SORCS1: variants seen among roughly 807,000 people sequenced by gnomAD.
SORCS1 encodes the protein VPS10 domain-containing receptor SorCS1.
Under a neutral mutation model 146.1 loss-of-function variants are expected in SORCS1, and 60 were observed. That is an observed-to-expected ratio of 0.41 (90% CI 0.33 to 0.51). The LOEUF (loss-of-function observed/expected upper bound fraction) is 0.51. SORCS1 is among the 20% of genes least tolerant of loss of function. The pLI is 0.21. For synonymous variants in SORCS1, 637 were observed against 584.0 expected, an observed-to-expected ratio of 1.09 and a Z score of -1.31; for missense variants, 1,352 against 1,487.6, an observed-to-expected ratio of 0.91 and a Z score of 1.50.
intron 3 of SORCS1, among the ~76,000 whole-genome samples, chr10:106,793,355 C>T (rs1946406472): frequency 6.6e-6 from 1 of 152,050 alleles, no homozygotes; most frequent in South Asian, 2.1e-4. Context: ...ATGGCAAGTT[C>T]CTCAGTTTGG....
chr10:106,865,361 C>T (rs1950190238), intron 2 of SORCS1, among the ~76,000 whole-genome samples: 1 of 152,192 alleles, frequency 6.6e-6, no homozygotes, highest in Non-Finnish European at 1.5e-5. Flanking sequence ...CCTCCAGGTA[C>T]TGGAAAACCC....
intron 1 of SORCS1, among the ~76,000 whole-genome samples, chr10:107,138,958 A>G (rs1967567636): frequency 6.6e-6 from 1 of 152,150 alleles, no homozygotes; most frequent in Admixed American, 6.5e-5. Context: ...CCTCTTCTCT[A>G]GCCACGTAAG....
chr10:106,704,834 T>C (rs1410918781), intron 8 of SORCS1, among the ~76,000 whole-genome samples: 1 of 152,200 alleles, frequency 6.6e-6, no homozygotes, highest in Non-Finnish European at 1.5e-5. Flanking sequence ...ATTCTTTTTT[T>C]AAGGTGCAAA....
At chr10:106,884,630 A>G (rs79097605) in intron 2 of SORCS1, among the ~76,000 whole-genome samples, 3 of 152,200 alleles carry the variant, frequency 2.0e-5, no homozygotes, top group African/African-American at 4.8e-5. Flanking sequence ...GTTAAAGCCC[A>G]TACCAGACAA....
chr10:106,646,456 G>T (rs1341187235), intron 18 of SORCS1, among the ~76,000 whole-genome samples: 3 of 152,000 alleles, frequency 2.0e-5, no homozygotes, highest in Non-Finnish European at 2.9e-5. Context: ...AGCACTTTGG[G>T]AGGCCAAGGT....
At chr10:106,930,396 C>G (rs1446852957) in intron 2 of SORCS1, among the ~76,000 whole-genome samples, 1 of 152,100 alleles carries the variant, frequency 6.6e-6, no homozygotes, top group Non-Finnish European at 1.5e-5. Flanking sequence ...TTAGGGTAAA[C>G]AGTCATCAGC....
intron 1 of SORCS1, among the ~76,000 whole-genome samples, chr10:107,044,398 A>G (rs11193185): frequency 6.6e-6 from 1 of 151,896 alleles, no homozygotes; most frequent in African/African-American, 2.4e-5. Flanking sequence ...AAGAAAACTC[A>G]CAAATAAATA....
chr10:106,809,931 T>C (rs1434250664), intron 3 of SORCS1, among the ~76,000 whole-genome samples: 1 of 152,136 alleles, frequency 6.6e-6, no homozygotes, highest in Non-Finnish European at 1.5e-5. Flanking sequence ...GTGAAAAATG[T>C]TTAAGTTAGC....
At chr10:106,585,223 CAA>C (rs202057062) in intron 24 of SORCS1, among the ~76,000 whole-genome samples, 1,143 of 112,160 alleles carry the variant, frequency 0.01, 15 homozygotes, top group African/African-American at 0.034. Flanking sequence ...GACTCTGTCT[CAA>C]AAAAAAAAAA....
rs1961716593 is a variant in SORCS1, at chr10:107,065,472, C to T, written c.558+98497G>A. Among the ~76,000 whole-genome samples, 418 of 59,402 alleles carry T rather than the reference C, an allele frequency of 7.0e-3. 9 individuals carry two copies. Among genetic ancestry groups the T allele is most frequent in the African/African-American group, 0.027 (391 of 14,238 alleles). The allele number at this position is 59,402 out of a possible 152,430, so 39.0% of individuals were successfully genotyped here. A position where few individuals can be genotyped will look rare whatever the true frequency, so the allele number is the denominator to read the frequency against. Reference sequence around the variant, plus strand: ...CTTTTCTCTCTTTCTCTCTCCCTCTCCTCTCCTCTCCTCTCCTCTCCTCTC... The same window carrying T: ...CTTTTCTCTCTTTCTCTCTCCCTCTTCTCTCCTCTCCTCTCCTCTCCTCTC... On this transcript the variant is annotated intron_variant, in intron 1 of 25. Coordinates refer to ENST00000263054, the MANE Select transcript of SORCS1 (RefSeq NM_052918.5).
intron 21 of SORCS1, among the ~76,000 whole-genome samples, chr10:106,614,079 C>T (rs1847191713): frequency 6.6e-6 from 1 of 152,168 alleles, no homozygotes; most frequent in African/African-American, 2.4e-5. Flanking sequence ...GTCCTTCAAA[C>T]TGGAATATAA....
intron 1 of SORCS1, among the ~76,000 whole-genome samples, chr10:107,013,252 G>T (rs1335414122): frequency 2.0e-5 from 3 of 152,118 alleles, no homozygotes; most frequent in African/African-American, 4.8e-5. Flanking sequence ...CAAGCTACTA[G>T]GAAAAGTTGG....
chr10:107,058,634 C>T (rs993952539), intron 1 of SORCS1, among the ~76,000 whole-genome samples: 2 of 152,168 alleles, frequency 1.3e-5, no homozygotes, highest in African/African-American at 2.4e-5. Context: ...AAGTTACTCA[C>T]CACTTTTATG....
intron 1 of SORCS1, among the ~76,000 whole-genome samples, chr10:107,002,780 C>G (rs574041770): frequency 1.3e-5 from 2 of 152,020 alleles, no homozygotes; most frequent in African/African-American, 4.8e-5. Context: ...ATTTTAAAAC[C>G]TAGAGGAAAT....
intron 3 of SORCS1, among the ~76,000 whole-genome samples, chr10:106,805,607 C>T (rs1371651978): frequency 2.0e-5 from 3 of 152,174 alleles, no homozygotes; most frequent in South Asian, 4.1e-4. Flanking sequence ...TGCCCAAGGC[C>T]ACCCTGCCTG....
At chr10:107,087,087 G>A (rs918533364) in intron 1 of SORCS1, among the ~76,000 whole-genome samples, 5 of 152,116 alleles carry the variant, frequency 3.3e-5, no homozygotes, top group Non-Finnish European at 7.4e-5. Flanking sequence ...ACTAGACTGA[G>A]GGTTTCAATT....
At chr10:107,040,523 A>G (rs1959106624) in intron 1 of SORCS1, among the ~76,000 whole-genome samples, 1 of 152,210 alleles carries the variant, frequency 6.6e-6, no homozygotes, top group Admixed American at 6.5e-5. Context: ...CAAGTAAAAT[A>G]CCCTCTAACT....
At chr10:106,843,753 G>A (rs1210716211) in intron 2 of SORCS1, among the ~76,000 whole-genome samples, 3 of 152,062 alleles carry the variant, frequency 2.0e-5, no homozygotes, top group East Asian at 1.9e-4. Flanking sequence ...CTTTTTCTAA[G>A]GTTGAATCAT....
intron 22 of SORCS1, among the ~76,000 whole-genome samples, chr10:106,610,611 C>T (rs1846911705): frequency 6.6e-6 from 1 of 152,056 alleles, no homozygotes. Context: ...TTTTTGTGTC[C>T]TGTGGCACCA....
Sources: gnomAD v4.1 joint callset for allele counts (sites outside exome capture counted in the v4.1 genomes callset) on GRCh38, gnomAD v4.1.1 for gene constraint, MANE v1.5 for transcripts, NCBI Gene and HGNC (gene_info 2026-07-23, HGNC 2026-07-21) for gene names.